The following NEGR1 variants were observed in gnomAD, a reference collection of about 807,000 sequenced individuals.
NEGR1 encodes neuronal growth regulator 1, also known as IgLON family member 4.
In NEGR1, 10 loss-of-function variants were observed where a neutral mutation model predicts 40.9. The observed-to-expected ratio is 0.24, with a 90% CI of 0.15 to 0.42. The LOEUF is 0.42. Among genes scored for constraint, NEGR1 ranks in the 10% least tolerant of loss-of-function variants. The pLI is 1.00. For synonymous variants in NEGR1, 185 were observed against 166.8 expected (o/e 1.11, Z -0.84); for missense variants, 352 against 438.9 (o/e 0.80, Z 1.77).
chr1:71,670,774 GT>G (rs71870204), intron 4 of NEGR1, among the ~76,000 whole-genome samples: 11,110 of 151,866 alleles, frequency 0.073, 504 homozygotes, highest in East Asian at 0.13. Flanking sequence ...CAACAATTCT[GT>G]TTTTTTCTGG....
chr1:71,436,254 A>G (rs1646508991), intron 6 of NEGR1, among the ~76,000 whole-genome samples: 1 of 151,454 alleles, frequency 6.6e-6, no homozygotes, highest in Non-Finnish European at 1.5e-5. Flanking sequence ...GTGGGGTATG[A>G]AGGGTTTCAA....
At chr1:71,739,428 C>CATAT (rs1655145202) in intron 3 of NEGR1, among the ~76,000 whole-genome samples, 1 of 151,442 alleles carries the variant, frequency 6.6e-6, no homozygotes, top group African/African-American at 2.4e-5. Context: ...CTCCCCTTTA[C>CATAT]ATATACAACA....
chr1:72,261,620 G>T lies in NEGR1; in HGVS notation c.176+20699C>A, dbSNP rs80268972. 4.6e-3 allele frequency among the ~76,000 whole-genome samples: 700 copies of T among 151,996 alleles called. 4 individuals carry two copies. The highest frequency in any genetic ancestry group is 7.3e-3 in the Non-Finnish European group (495 of 67,920). The stretch of plus-strand genomic sequence containing the variant: ...AATTGTGGTGTCCGGCACCACTTTG[G>T]CAACGCTTGGCATAAAGCATGCAAG... On this transcript the variant is annotated intron_variant, in intron 1 of 6. Transcript: ENST00000357731.
chr1:71,796,638 G>A (rs1163554260), intron 2 of NEGR1, among the ~76,000 whole-genome samples: 1 of 152,046 alleles, frequency 6.6e-6, no homozygotes, highest in Non-Finnish European at 1.5e-5. Flanking sequence ...AGTGAATTCT[G>A]CAGCAAAAAC....
At chr1:72,095,830 G>A (rs564986191) in intron 1 of NEGR1, among the ~76,000 whole-genome samples, 5 of 152,062 alleles carry the variant, frequency 3.3e-5, no homozygotes, top group Admixed American at 6.6e-5. Context: ...ACCTACGAGG[G>A]TGAATTATGA....
At chr1:71,653,081 G>A (rs1276736927) in intron 4 of NEGR1, among the ~76,000 whole-genome samples, 1 of 151,016 alleles carries the variant, frequency 6.6e-6, no homozygotes, top group Admixed American at 6.7e-5. Context: ...CTTAGTTAAT[G>A]CTTACAAATA....
chr1:72,136,334 A>G (rs1457596147), intron 1 of NEGR1, among the ~76,000 whole-genome samples: 1 of 152,104 alleles, frequency 6.6e-6, no homozygotes, highest in East Asian at 1.9e-4. Flanking sequence ...TAAGATTAGC[A>G]GTCGATTGCA....
intron 1 of NEGR1, among the ~76,000 whole-genome samples, chr1:72,184,624 C>T (rs1326943878): frequency 1.3e-5 from 2 of 151,914 alleles, no homozygotes; most frequent in Non-Finnish European, 2.9e-5. Flanking sequence ...TAGTTGTGTA[C>T]AATTCACTCA....
intron 1 of NEGR1, among the ~76,000 whole-genome samples, chr1:72,018,360 T>G: frequency 6.6e-6 from 1 of 152,144 alleles, no homozygotes; most frequent in East Asian, 1.9e-4. Context: ...TCAGGTATTT[T>G]TAACTTGGAC....
At chr1:71,506,834 G>A (rs959142038) in intron 6 of NEGR1, among the ~76,000 whole-genome samples, 1 of 152,120 alleles carries the variant, frequency 6.6e-6, no homozygotes, top group African/African-American at 2.4e-5. Flanking sequence ...AAACCATAAT[G>A]GTTATGCTGT....
intron 3 of NEGR1, among the ~76,000 whole-genome samples, chr1:71,772,033 G>C (rs1656348231): frequency 6.6e-6 from 1 of 152,118 alleles, no homozygotes; most frequent in South Asian, 2.1e-4. Flanking sequence ...GTGGAAATCA[G>C]ACAACACACT....
intron 1 of NEGR1, among the ~76,000 whole-genome samples, chr1:72,153,428 T>C (rs1651241825): frequency 6.6e-6 from 1 of 151,922 alleles, no homozygotes; most frequent in African/African-American, 2.4e-5. Flanking sequence ...ATTTTTTAAA[T>C]ACAAAGACCC....
chr1:71,622,527 GA>G (rs1411194286), intron 4 of NEGR1, among the ~76,000 whole-genome samples: 2 of 151,778 alleles, frequency 1.3e-5, no homozygotes. Context: ...TAAAACATAA[GA>G]ATTTTTTTGT....
chr1:71,701,685 C>A (rs1653699299), intron 3 of NEGR1, among the ~76,000 whole-genome samples: 1 of 151,978 alleles, frequency 6.6e-6, no homozygotes. Flanking sequence ...AGCCATTATT[C>A]TGCATGGTTT....
intron 1 of NEGR1, among the ~76,000 whole-genome samples, chr1:71,997,576 T>C (rs2450271): frequency 0.031 from 4,748 of 152,066 alleles, 248 homozygotes; most frequent in African/African-American, 0.11. Context: ...AATATTCAAC[T>C]CTCCTGTGAA....
chr1:71,510,395 A>G (rs538886726), intron 6 of NEGR1, among the ~76,000 whole-genome samples: 2 of 152,340 alleles, frequency 1.3e-5, no homozygotes, highest in Admixed American at 1.3e-4. Flanking sequence ...AAGTAAATAG[A>G]AAAGAGGAGG....
chr1:72,250,852 T>C (rs565320403), intron 1 of NEGR1, among the ~76,000 whole-genome samples: 1 of 152,324 alleles, frequency 6.6e-6, no homozygotes, highest in South Asian at 2.1e-4. Context: ...GCTGTATCTA[T>C]ACAGCCTAAA....
chr1:72,200,363 G>C (rs187659935), intron 1 of NEGR1, among the ~76,000 whole-genome samples: 1 of 151,926 alleles, frequency 6.6e-6, no homozygotes, highest in Admixed American at 6.6e-5. Context: ...CATGTCCTCT[G>C]AAGCTCCATG....
chr1:71,566,521 G>C (rs1381854968), intron 6 of NEGR1, among the ~76,000 whole-genome samples: 2 of 152,110 alleles, frequency 1.3e-5, no homozygotes, highest in African/African-American at 2.4e-5. Flanking sequence ...CATGAGATAA[G>C]TATTTCAGTC....
Sources: gnomAD v4.1 joint callset for allele counts (sites outside exome capture counted in the v4.1 genomes callset) on GRCh38, gnomAD v4.1.1 for gene constraint, MANE v1.5 for transcripts, NCBI Gene and HGNC (gene_info 2026-07-23, HGNC 2026-07-21) for gene names.